The following CAMSAP2 variants were observed in gnomAD, a reference collection of about 807,000 sequenced individuals.
The protein encoded by CAMSAP2 is calmodulin regulated spectrin associated protein family member 2, also known as calmodulin-regulated spectrin-associated protein 2.
CAMSAP2 carries 26 observed loss-of-function variants against 146.1 expected under a neutral mutation model. The observed-to-expected ratio is 0.18, with a 90% CI of 0.13 to 0.25. The LOEUF is 0.25. Ranked by LOEUF, CAMSAP2 falls within the 10% of genes least tolerant of loss-of-function variation. CAMSAP2 has a pLI of 1.00. For synonymous variants in CAMSAP2, 499 were observed against 596.6 expected, an observed-to-expected ratio of 0.84 and a Z score of 2.38; for missense variants, 1,381 against 1,759.3, an observed-to-expected ratio of 0.78 and a Z score of 3.85.
chr1:200,835,035 T>A (rs1667150374), intron 6 of CAMSAP2, among the ~76,000 whole-genome samples: 1 of 152,238 alleles, frequency 6.6e-6, no homozygotes, highest in African/African-American at 2.4e-5. Flanking sequence ...GTGGGAATCA[T>A]ATACATGCTA....
At chr1:200,834,949 A>G (rs1667148316) in intron 6 of CAMSAP2, among the ~76,000 whole-genome samples, 1 of 152,222 alleles carries the variant, frequency 6.6e-6, no homozygotes, top group African/African-American at 2.4e-5. Flanking sequence ...TTTCTCTTTT[A>G]ATTTTTAAAG....
At chr1:200,765,733 A>G (rs1664931848) in intron 2 of CAMSAP2, among the ~76,000 whole-genome samples, 1 of 152,228 alleles carries the variant, frequency 6.6e-6, no homozygotes, top group Non-Finnish European at 1.5e-5. Context: ...ATCACAGGGT[A>G]GAATGATAAA....
chr1:200,747,734 G>C (rs908355764), intron 1 of CAMSAP2, among the ~76,000 whole-genome samples: 1 of 152,058 alleles, frequency 6.6e-6, no homozygotes, highest in African/African-American at 2.4e-5. Flanking sequence ...GTAGCGGCCG[G>C]GCGCGGTGGC....
rs768419955 is a variant in CAMSAP2 at position 200,850,217 on chromosome 1, T to C, written c.3448T>C (p.Cys1150Arg). The C allele has an allele frequency of 6.3e-7, 1 of 1,585,152 alleles. No individual in the cohort carries two copies. The highest frequency in any genetic ancestry group is 8.6e-7 in the Non-Finnish European group (1 of 1,168,616). Residue 1150 changes from cysteine (C) to arginine (R), a missense_variant, in exon 11 of 17, where the codon TGT becomes CGT. Coordinates refer to ENST00000358823, the MANE Select transcript of CAMSAP2 (RefSeq NM_203459.4). ...ATTTGATGATGACCAGAAAGTATGCTGTGGATTCTTTTTTAAGGTGTAGTA... is the reference window on the plus strand; with the variant it reads ...ATTTGATGATGACCAGAAAGTATGCCGTGGATTCTTTTTTAAGGTGTAGTA... ...EQFDDDQKVC[C>R]GFFFKDDQKA...
Position 200,816,363 on chromosome 1 carries a change from C to T in CAMSAP2, c.645+719C>T, listed in dbSNP as rs377515608. Among the ~76,000 whole-genome samples, 18 of 151,332 alleles carry T rather than the reference C, an allele frequency of 1.2e-4. 1 individual carries two copies. The highest frequency in any genetic ancestry group is 7.2e-4 in the Admixed American group (11 of 15,180). The stretch of plus-strand genomic sequence containing the variant: ...ATCCCAGCACTTTGGGAGGCTGAGA[C>T]GGGCGGATCACCTGAGGTCAGGAGT... On this transcript the variant is annotated intron_variant, in intron 4 of 16. Transcript: ENST00000358823.
chr1:200,767,914 A>C (rs960300530), intron 2 of CAMSAP2, among the ~76,000 whole-genome samples: 2 of 152,198 alleles, frequency 1.3e-5, no homozygotes, highest in African/African-American at 4.8e-5. Context: ...ATCATGTTAG[A>C]GTAACTCTTT....
chr1:200,826,196 C>G (rs1274892466), intron 4 of CAMSAP2, among the ~76,000 whole-genome samples: 1 of 151,988 alleles, frequency 6.6e-6, no homozygotes, highest in Non-Finnish European at 1.5e-5. Flanking sequence ...TTTGGGAGGC[C>G]TAGGTGGGAG....
At chr1:200,844,064 G>A (rs1184977111) in intron 7 of CAMSAP2, among the ~76,000 whole-genome samples, 1 of 151,628 alleles carries the variant, frequency 6.6e-6, no homozygotes, top group African/African-American at 2.4e-5. Flanking sequence ...GTAGAGGTGG[G>A]GTTTCACCAT....
chr1:200,741,881 C>G (rs1664188600), intron 1 of CAMSAP2, among the ~76,000 whole-genome samples: 1 of 152,030 alleles, frequency 6.6e-6, no homozygotes, highest in African/African-American at 2.4e-5. Context: ...AGTGTGTTCC[C>G]CATTTAAAAA....
At chr1:200,744,962 A>G (rs1664280697) in intron 1 of CAMSAP2, among the ~76,000 whole-genome samples, 1 of 152,136 alleles carries the variant, frequency 6.6e-6, no homozygotes, top group Non-Finnish European at 1.5e-5. Flanking sequence ...TAGTTAAATT[A>G]TCCTAAGCAC....
intron 4 of CAMSAP2, among the ~76,000 whole-genome samples, chr1:200,820,552 T>A (rs1040352519): frequency 2.0e-5 from 3 of 152,200 alleles, no homozygotes; most frequent in African/African-American, 7.2e-5. Context: ...TTTCCCCCTG[T>A]GAGAGAGTAG....
At chr1:200,830,299 CTGTG>C (rs3081676) in intron 4 of CAMSAP2, among the ~76,000 whole-genome samples, 113 of 150,590 alleles carry the variant, frequency 7.5e-4, no homozygotes, top group South Asian at 1.5e-3. Flanking sequence ...TCATATAAAG[CTGTG>C]TGTGTGTGTG....
intron 2 of CAMSAP2, among the ~76,000 whole-genome samples, chr1:200,761,357 T>C (rs1253884544): frequency 1.3e-5 from 2 of 152,252 alleles, no homozygotes; most frequent in Non-Finnish European, 2.9e-5. Context: ...TTGAAAACTT[T>C]TATTTTTTCC....
chr1:200,746,089 G>T (rs752821141), intron 1 of CAMSAP2, among the ~76,000 whole-genome samples: 1 of 152,206 alleles, frequency 6.6e-6, no homozygotes, highest in African/African-American at 2.4e-5. Flanking sequence ...ATCATCAGAA[G>T]ATTTGTTTTT....
Position 200,850,165 on chromosome 1 carries a change from A to T in CAMSAP2, c.3396A>T (p.Lys1132Asn). 6.2e-7 allele frequency: 1 copy of T among 1,605,816 alleles called. No individual in the cohort carries two copies. Among genetic ancestry groups the T allele is most frequent in the Admixed American group, 1.8e-5 (1 of 56,716 alleles). Reference protein sequence around the residue: ...PPEKADVPVEKYDGESDKEQF... With the variant: ...PPEKADVPVENYDGESDKEQF... ...AAAAGGCTGATGTACCTGTTGAAAAATATGATGGAGAAAGTGATAAAGAAC... is the reference window on the plus strand; with the variant it reads ...AAAAGGCTGATGTACCTGTTGAAAATTATGATGGAGAAAGTGATAAAGAAC... The change falls in exon 11 of 17, where the codon AAA (lysine) becomes AAT (asparagine). Residue 1132 changes from lysine to asparagine, a missense_variant. By Grantham distance (94) the Lys-to-Asn change is moderately conservative. Transcript: ENST00000358823.
intron 2 of CAMSAP2, among the ~76,000 whole-genome samples, chr1:200,802,440 A>G (rs953196436): frequency 1.4e-4 from 22 of 152,360 alleles, no homozygotes; most frequent in Admixed American, 7.8e-4. Context: ...AATGAAACTT[A>G]TGAAAAAGTG....
Position 200,857,273 on chromosome 1 carries a change from A to G in CAMSAP2, c.4013-33A>G. 1.5e-6 allele frequency: 2 copies of G among 1,316,292 alleles called. No individual in the cohort carries two copies. Among genetic ancestry groups the G allele is most frequent in the Non-Finnish European group, 2.2e-6 (2 of 914,462 alleles). 81.5% of individuals were successfully genotyped at this position (1,316,292 alleles called of 1,614,324 possible). A position where few individuals can be genotyped will look rare whatever the true frequency, so the allele number is the denominator to read the frequency against. On this transcript the variant is annotated intron_variant, in intron 15 of 16. Coordinates refer to ENST00000358823, the MANE Select transcript of CAMSAP2 (RefSeq NM_203459.4). This position sits in a 1 kb window ranked among gnomAD's most constrained non-coding sequence, Gnocchi z 4.7. ...GTAGTATTTCTGACTTAGGAATGTT[A>G]TTTTTATTATTGTTGTTAAATCCCT... is the stretch of plus-strand genomic sequence containing the variant.
intron 2 of CAMSAP2, among the ~76,000 whole-genome samples, chr1:200,799,404 G>T (rs1290661198): frequency 6.6e-6 from 1 of 152,144 alleles, no homozygotes; most frequent in South Asian, 2.1e-4. Context: ...TCTTGGGAGG[G>T]AGTATGTGTC....
At chr1:200,752,047 CATA>C (rs1388573517) in intron 1 of CAMSAP2, among the ~76,000 whole-genome samples, 2 of 152,102 alleles carry the variant, frequency 1.3e-5, no homozygotes, top group African/African-American at 2.4e-5. Flanking sequence ...ATATCACAAA[CATA>C]ATCTGTGGCT....
Sources: gnomAD v4.1 joint callset for allele counts (sites outside exome capture counted in the v4.1 genomes callset) on GRCh38, gnomAD v4.1.1 for gene constraint, Gnocchi (gnomAD v3.1) non-coding constraint, MANE v1.5 for transcripts, NCBI Gene and HGNC (gene_info 2026-07-23, HGNC 2026-07-21) for gene names.